The following ADCY5 variants were observed in gnomAD, a reference collection of about 807,000 sequenced individuals.
The protein encoded by ADCY5 is adenylate cyclase 5, also known as adenylate cyclase type 5.
ADCY5 carries 30 observed loss-of-function variants against 119.7 expected under a neutral mutation model. The observed-to-expected ratio is 0.25, with a 90% CI of 0.19 to 0.34. ADCY5 has a LOEUF of 0.34. Ranked by LOEUF, ADCY5 falls within the 10% of genes least tolerant of loss-of-function variation. The pLI is 1.00. For missense variants in ADCY5, 1,324 were observed against 1,775.2 expected (o/e 0.75, Z 4.57); for synonymous variants, 753 against 762.2 (o/e 0.99, Z 0.20).
intron 17 of ADCY5, 81 bp downstream of exon 17, chr3:123,296,003 T>C (rs1460016297): frequency 6.4e-7 from 1 of 1,567,680 alleles, no homozygotes; most frequent in South Asian, 1.2e-5. Flanking sequence ...CGGCTTGGCC[T>C]GGCCCAGCAG....
chr3:123,390,524 A>C (rs59930643), intron 1 of ADCY5, among the ~76,000 whole-genome samples: 72,165 of 151,618 alleles, frequency 0.48, 17,915 homozygotes, highest in East Asian at 0.68. Context: ...CTCTGCATCC[A>C]CAGAGGTGCA....
chr3:123,388,336 G>C (rs1944294511), intron 1 of ADCY5, among the ~76,000 whole-genome samples: 1 of 152,180 alleles, frequency 6.6e-6, no homozygotes, highest in South Asian at 2.1e-4. Flanking sequence ...GGGAGGCGAG[G>C]AGAGGGAGTT....
chr3:123,375,977 GTGA>G (rs1210235436), intron 1 of ADCY5, among the ~76,000 whole-genome samples: 11 of 147,330 alleles, frequency 7.5e-5, no homozygotes, highest in African/African-American at 2.8e-4. Context: ...GGTACTGATG[GTGA>G]TGAGGAGTTT....
Position 123,309,378 on chromosome 3 carries a change from C to T in ADCY5, c.2442+4857G>A, listed in dbSNP as rs548743080. Reference sequence around the variant, plus strand: ...GAAGGGGTCCCCACGCCAGTGCTCTCATCACTTGGCCTTTCAGGAGTCAAC... The same window carrying T: ...GAAGGGGTCCCCACGCCAGTGCTCTTATCACTTGGCCTTTCAGGAGTCAAC... On this transcript the variant is annotated intron_variant, in intron 12 of 20. Coordinates refer to ENST00000462833, the MANE Select transcript of ADCY5 (RefSeq NM_183357.3). Among the ~76,000 whole-genome samples the T allele has an allele frequency of 4.6e-5, 7 of 152,370 alleles. No homozygotes were observed. The South Asian group carries it at 6.2e-4, about 14-fold the overall frequency.
At chr3:123,288,812 C>T (rs139923004) in intron 19 of ADCY5, among the ~76,000 whole-genome samples, 1,542 of 152,324 alleles carry the variant, frequency 0.01, 11 homozygotes, top group Non-Finnish European at 0.016. Flanking sequence ...ATGGTCATGA[C>T]TATTTTGAAA....
At chr3:123,332,049 C>T (rs1164014075) in intron 4 of ADCY5, among the ~76,000 whole-genome samples, 1 of 152,218 alleles carries the variant, frequency 6.6e-6, no homozygotes, top group Non-Finnish European at 1.5e-5. Flanking sequence ...TCGTTCACCA[C>T]TCCCGGCCAT....
intron 1 of ADCY5, among the ~76,000 whole-genome samples, chr3:123,396,911 C>T (rs184342227): frequency 5.8e-4 from 88 of 152,130 alleles, no homozygotes; most frequent in African/African-American, 2.0e-3. Context: ...GGGGCATGCA[C>T]GCCTGCGGGC....
At chr3:123,401,302 G>A (rs902112203) in intron 1 of ADCY5, among the ~76,000 whole-genome samples, 1 of 152,222 alleles carries the variant, frequency 6.6e-6, no homozygotes, top group Non-Finnish European at 1.5e-5. Context: ...CCCAGGCTCA[G>A]CTCTGGGGGC....
intron 1 of ADCY5, among the ~76,000 whole-genome samples, chr3:123,423,962 G>A (rs979399613): frequency 2.6e-5 from 4 of 152,214 alleles, no homozygotes; most frequent in Admixed American, 2.6e-4. Flanking sequence ...GCAGCCTATG[G>A]CAGAAGGTCT....
chr3:123,336,604 G>A (rs901172414), intron 3 of ADCY5, among the ~76,000 whole-genome samples: 6 of 152,188 alleles, frequency 3.9e-5, no homozygotes, highest in Admixed American at 6.5e-5. Context: ...ACAGCACCAG[G>A]AAGAGCAGAG....
chr3:123,312,887 T>C (rs1039589628), intron 12 of ADCY5, among the ~76,000 whole-genome samples: 16 of 150,534 alleles, frequency 1.1e-4, no homozygotes, highest in South Asian at 4.1e-4. Context: ...AGTGGAACTG[T>C]CCACTCTGGA....
rs556052745 is a variant in ADCY5 at position 123,286,914 on chromosome 3, A to G, written c.3533-105T>C. On this transcript the variant is annotated intron_variant, in intron 19 of 20. Transcript: ENST00000462833. The surrounding 1 kb of genome is among the most constrained non-coding windows in gnomAD (Gnocchi z 4.2). ...GTCCTTCTGACTCCCAACCTGAGACACCCGTGGGCTTCCAGGCCCAAGGCT... is the reference window on the plus strand; with the variant it reads ...GTCCTTCTGACTCCCAACCTGAGACGCCCGTGGGCTTCCAGGCCCAAGGCT... 6.9e-7 allele frequency: 1 copy of G among 1,445,386 alleles called. No individual in the cohort carries two copies. The highest frequency in any genetic ancestry group is 9.1e-7 in the Non-Finnish European group (1 of 1,097,676). 89.5% of individuals were successfully genotyped at this position (1,445,386 alleles called of 1,614,324 possible).
chr3:123,328,730 A>T lies in ADCY5; in HGVS notation c.1719T>A (p.Gly573=). The T allele has an allele frequency of 6.2e-7, 1 of 1,614,214 alleles. No homozygotes were observed. Among genetic ancestry groups the T allele is most frequent in the Non-Finnish European group, 8.5e-7 (1 of 1,180,028 alleles). The change falls in exon 6 of 21, where the codon GGT becomes GGA. Residue 573 remains glycine, a synonymous_variant. Transcript: ENST00000462833. ...VGIHSGRVHC[G]VLGLRKWQFD... is the part of the protein sequence containing the mutation. ...ACTGCCACTTCCTGAGACCAAGGAC[A>T]CCGCAGTGTACTCGCCCGCTGTGAA...
intron 1 of ADCY5, among the ~76,000 whole-genome samples, chr3:123,444,231 A>G (rs1191056029): frequency 2.6e-5 from 4 of 152,060 alleles, no homozygotes; most frequent in African/African-American, 9.7e-5. Flanking sequence ...AAAGGAGGAG[A>G]AAAAAACAAC....
Position 123,286,786 on chromosome 3 carries a change from C to A in ADCY5, c.3556G>T (p.Ala1186Ser). 1 of 1,610,568 alleles carries A rather than the reference C, an allele frequency of 6.2e-7. No homozygotes were observed. ...GGCTTTCGTGCCCCTATCACCCCGG[C>A]CACCACGGGGCCGATGTTGAGCCCT... ...KIGLNIGPVV[A>S]GVIGARKPQY... The change falls in exon 20 of 21, where the codon GCC becomes TCC. Residue 1186 changes from alanine to serine, a missense_variant. By Grantham distance (99) the Ala-to-Ser change is moderately conservative. Around this residue, in one of 6 missense-constraint regions of ADCY5, gnomAD observed 178 missense variants for 329.6 expected, o/e 0.54. Transcript: ENST00000462833. The surrounding 1 kb of genome is among the most constrained non-coding windows in gnomAD (Gnocchi z 4.2).
chr3:123,373,900 T>A (rs961726802), intron 1 of ADCY5, among the ~76,000 whole-genome samples: 2 of 152,026 alleles, frequency 1.3e-5, no homozygotes, highest in Non-Finnish European at 2.9e-5. Context: ...TTGGTTCCTA[T>A]AAAATCAGGA....
rs573187299 is a variant in ADCY5, at chr3:123,351,151, G to A, written c.1284+1281C>T. On this transcript the variant is annotated intron_variant, in intron 2 of 20. Coordinates refer to ENST00000462833, the MANE Select transcript of ADCY5 (RefSeq NM_183357.3). Reference sequence around the variant, plus strand: ...GACCTGACAAGACATGGCGACCACCGAGGCAGCGCTGGAAGGGAAGTGGAG... The same window carrying A: ...GACCTGACAAGACATGGCGACCACCAAGGCAGCGCTGGAAGGGAAGTGGAG... Among the ~76,000 whole-genome samples, 25 of 152,200 alleles carry A rather than the reference G, an allele frequency of 1.6e-4. No individual in the cohort carries two copies. The East Asian group carries it at 4.3e-3, about 26-fold the overall frequency.
At chr3:123,367,851 GA>G (rs146718564) in intron 1 of ADCY5, 3,925 of 1,125,874 alleles carry the variant, frequency 3.5e-3, no homozygotes, top group Admixed American at 7.1e-3. Context: ...GAATCCAGAA[GA>G]AAAAAAAAAA....
intron 14 of ADCY5, among the ~76,000 whole-genome samples, chr3:123,302,247 C>A (rs1939893886): frequency 6.6e-6 from 1 of 152,216 alleles, no homozygotes; most frequent in Non-Finnish European, 1.5e-5. Context: ...CTGGCAAACG[C>A]AGTACCATGA....
Sources: gnomAD v4.1 joint callset for allele counts (sites outside exome capture counted in the v4.1 genomes callset) on GRCh38, gnomAD v4.1.1 for gene constraint, gnomAD v4.1.1 regional missense constraint, Gnocchi (gnomAD v3.1) non-coding constraint, MANE v1.5 for transcripts, NCBI Gene and HGNC (gene_info 2026-07-23, HGNC 2026-07-21) for gene names.